The following ZBTB16 variants were observed in gnomAD, a reference collection of about 807,000 sequenced individuals.
ZBTB16 encodes zinc finger and BTB domain containing 16, also known as zinc finger and BTB domain-containing protein 16.
A neutral mutation model predicts 56.8 loss-of-function variants in ZBTB16; 8 were observed. The ratio of observed to expected loss-of-function variants is 0.14; its 90% CI spans 0.08 to 0.25. ZBTB16 has a LOEUF of 0.25. ZBTB16 is among the 10% of genes least tolerant of loss of function. ZBTB16 has a pLI of 1.00. For synonymous variants in ZBTB16, 363 were observed against 368.5 expected (o/e 0.98, Z 0.17); for missense variants, 625 against 903.0 (o/e 0.69, Z 3.95).
chr11:114,171,119 C>T lies in ZBTB16; in HGVS notation c.1366+14685C>T, dbSNP rs148988768. Reference sequence around the variant, plus strand: ...ACAGGTGCAGCCTTTGAAGCTGACCCGGGAGCAAAGAGAATCACAGTGCAC... The same window carrying T: ...ACAGGTGCAGCCTTTGAAGCTGACCTGGGAGCAAAGAGAATCACAGTGCAC... On this transcript the variant is annotated intron_variant, in intron 3 of 6. Transcript: ENST00000335953. Among the ~76,000 whole-genome samples, 923 of 152,184 alleles carry T rather than the reference C, an allele frequency of 6.1e-3. 11 individuals carry two copies. The highest frequency in any genetic ancestry group is 0.021 in the African/African-American group (873 of 41,510).
At chr11:114,089,491 G>T (rs1940101134) in intron 2 of ZBTB16, among the ~76,000 whole-genome samples, 1 of 152,136 alleles carries the variant, frequency 6.6e-6, no homozygotes, top group African/African-American at 2.4e-5. Flanking sequence ...AACCTGGCAG[G>T]TAGCACAGCG....
chr11:114,221,263 T>G (rs1944227878), intron 4 of ZBTB16, among the ~76,000 whole-genome samples: 1 of 152,240 alleles, frequency 6.6e-6, no homozygotes, highest in Non-Finnish European at 1.5e-5. Flanking sequence ...TTAATTAATA[T>G]GAACGCTTTG....
intron 2 of ZBTB16, among the ~76,000 whole-genome samples, chr11:114,093,329 TGGGGGTGTGGAGG>T (rs1940259518): frequency 7.1e-6 from 1 of 140,194 alleles, no homozygotes; most frequent in Non-Finnish European, 1.5e-5. Context: ...ACCGTATTGC[TGGGGGTGTGGAGG>T]GGGGATGTTG....
At chr11:114,175,929 CT>C (rs1943099702) in intron 3 of ZBTB16, among the ~76,000 whole-genome samples, 1 of 151,708 alleles carries the variant, frequency 6.6e-6, no homozygotes, top group Non-Finnish European at 1.5e-5. Context: ...TCTTAGTCTT[CT>C]TTTTTCCATT....
chr11:114,162,042 G>A (rs1942603756), intron 3 of ZBTB16, among the ~76,000 whole-genome samples: 1 of 152,204 alleles, frequency 6.6e-6, no homozygotes, highest in Admixed American at 6.5e-5. Flanking sequence ...GCATCCCTGA[G>A]ATGAGGCTCT....
intron 2 of ZBTB16, among the ~76,000 whole-genome samples, chr11:114,078,350 T>C (rs553253113): frequency 1.8e-4 from 27 of 152,358 alleles, no homozygotes; most frequent in Admixed American, 5.2e-4. Flanking sequence ...TGGTAAGCAA[T>C]TGATGCTCAG....
intron 2 of ZBTB16, among the ~76,000 whole-genome samples, chr11:114,139,746 C>T (rs760805757): frequency 5.9e-5 from 9 of 151,784 alleles, no homozygotes; most frequent in Admixed American, 2.0e-4. Context: ...CAAGACAGAG[C>T]CTCCTGGCAA....
In ZBTB16 at chr11:114,255,157, C is replaced by T. The variant is rs1005405880; in HGVS notation, c.*4602C>T. Among the ~76,000 whole-genome samples the T allele has an allele frequency of 6.6e-6, 1 of 152,158 alleles. No homozygotes were observed. The highest frequency in any genetic ancestry group is 1.5e-5 in the Non-Finnish European group (1 of 68,040). On this transcript the variant is annotated 3_prime_UTR_variant, in exon 7 of 7. Transcript: ENST00000335953. ...TTATAGCACTGAGGGCCCTGCTGCCCTGCTGGACCAAGCAAAACTAAGCCT... is the reference window on the plus strand; with the variant it reads ...TTATAGCACTGAGGGCCCTGCTGCCTTGCTGGACCAAGCAAAACTAAGCCT...
At chr11:114,095,840 T>G (rs1591661158) in intron 2 of ZBTB16, among the ~76,000 whole-genome samples, 1 of 152,278 alleles carries the variant, frequency 6.6e-6, no homozygotes, top group Admixed American at 6.5e-5. Context: ...TCCATGGAAT[T>G]AATTATTGTT....
At chr11:114,204,638 C>T (rs1351420781) in intron 4 of ZBTB16, among the ~76,000 whole-genome samples, 1 of 152,106 alleles carries the variant, frequency 6.6e-6, no homozygotes, top group Non-Finnish European at 1.5e-5. Flanking sequence ...ACCCTGTATC[C>T]AGAGGACCTT....
chr11:114,210,190 T>C (rs7129771), intron 4 of ZBTB16, among the ~76,000 whole-genome samples: 2,172 of 131,582 alleles, frequency 0.017, 50 homozygotes, highest in African/African-American at 0.05. Flanking sequence ...TGTGTGTGTG[T>C]GTGCGTGCGC....
chr11:114,249,864 C>T (rs1362296010), intron 6 of ZBTB16, among the ~76,000 whole-genome samples: 2 of 151,782 alleles, frequency 1.3e-5, no homozygotes, highest in Non-Finnish European at 2.9e-5. Context: ...TCCCCCCACC[C>T]CTGCTCCCCA....
At chr11:114,136,338 G>A (rs952529201) in intron 2 of ZBTB16, among the ~76,000 whole-genome samples, 2 of 152,182 alleles carry the variant, frequency 1.3e-5, no homozygotes, top group Non-Finnish European at 1.5e-5. Context: ...AAGCAACTGT[G>A]GAAACAGAGT....
At chr11:114,215,124 C>T (rs1944070926) in intron 4 of ZBTB16, among the ~76,000 whole-genome samples, 1 of 152,032 alleles carries the variant, frequency 6.6e-6, no homozygotes, top group South Asian at 2.1e-4. Context: ...CTTTTATGTC[C>T]CTTAATGAGT....
chr11:114,108,315 C>T (rs1343408348), intron 2 of ZBTB16, among the ~76,000 whole-genome samples: 5 of 152,180 alleles, frequency 3.3e-5, no homozygotes, highest in Non-Finnish European at 5.9e-5. Flanking sequence ...CACCTATCAT[C>T]TCCAGCATCT....
At chr11:114,077,826 A>T (rs1281128568) in intron 2 of ZBTB16, among the ~76,000 whole-genome samples, 1 of 152,190 alleles carries the variant, frequency 6.6e-6, no homozygotes, top group Non-Finnish European at 1.5e-5. Flanking sequence ...ATGTTCTCCT[A>T]AATTCTGCTT....
chr11:114,235,678 C>CT (rs1555159907), intron 4 of ZBTB16, among the ~76,000 whole-genome samples: 598 of 28,426 alleles, frequency 0.021, 2 homozygotes, highest in African/African-American at 0.055. Context: ...TTCTTTCTTT[C>CT]TTTCTTTCTT....
intron 4 of ZBTB16, among the ~76,000 whole-genome samples, chr11:114,196,068 G>T (rs1943601139): frequency 6.6e-6 from 1 of 152,180 alleles, no homozygotes; most frequent in African/African-American, 2.4e-5. Flanking sequence ...AGATCTTAAG[G>T]CCCTGAGGTC....
At chr11:114,116,220 T>C (rs1300716296) in intron 2 of ZBTB16, among the ~76,000 whole-genome samples, 1 of 152,214 alleles carries the variant, frequency 6.6e-6, no homozygotes, top group African/African-American at 2.4e-5. Flanking sequence ...GGGGAGCCAC[T>C]GACCTGAAAT....
Sources: allele counts gnomAD v4.1 joint callset (sites outside exome capture counted in the v4.1 genomes callset), GRCh38; gene constraint gnomAD v4.1.1; transcripts MANE v1.5; gene names NCBI Gene and HGNC (gene_info 2026-07-23, HGNC 2026-07-21).